Variants in SLC35F3 observed in about 807,000 individuals in gnomAD.
SLC35F3 encodes putative thiamine transporter SLC35F3.
In SLC35F3, 25 loss-of-function variants were observed where a neutral mutation model predicts 49.9. The ratio of observed to expected loss-of-function variants is 0.50; its 90% CI spans 0.37 to 0.70. SLC35F3 has a LOEUF of 0.70. SLC35F3 is among the 30% of genes least tolerant of loss of function. SLC35F3 has a pLI of 0.00. For missense variants in SLC35F3, 525 were observed against 639.8 expected (o/e 0.82, Z 1.94); for synonymous variants, 275 against 265.4 (o/e 1.04, Z -0.35).
chr1:233,908,849 T>A (rs1239673018), intron 2 of SLC35F3, among the ~76,000 whole-genome samples: 1 of 149,534 alleles, frequency 6.7e-6, no homozygotes, highest in Non-Finnish European at 1.5e-5. Context: ...TTTGCCCAGC[T>A]TCCCCAAATA....
At chr1:234,034,208 A>G (rs991938767) in intron 2 of SLC35F3, among the ~76,000 whole-genome samples, 2 of 152,198 alleles carry the variant, frequency 1.3e-5, no homozygotes, top group Admixed American at 1.3e-4. Context: ...TTGACTTTGT[A>G]TTCTGAAACT....
chr1:233,948,190 GGAGA>G (rs1319914110), intron 2 of SLC35F3, among the ~76,000 whole-genome samples: 4 of 94,990 alleles, frequency 4.2e-5, no homozygotes, highest in Non-Finnish European at 1.1e-4. Context: ...AAGAGGGAGG[GGAGA>G]GAGAGAGAGG....
At chr1:234,024,457 C>T (rs1179874693) in intron 2 of SLC35F3, among the ~76,000 whole-genome samples, 1 of 152,116 alleles carries the variant, frequency 6.6e-6, no homozygotes, top group Non-Finnish European at 1.5e-5. Context: ...TTTTCTATTC[C>T]CTGAAACTGG....
intron 2 of SLC35F3, among the ~76,000 whole-genome samples, chr1:234,097,038 C>T (rs1313553626): frequency 2.0e-5 from 3 of 151,958 alleles, no homozygotes; most frequent in Non-Finnish European, 2.9e-5. Context: ...TATGAGCATG[C>T]GCCACCAGGC....
chr1:233,976,880 G>GA (rs1663094586), intron 2 of SLC35F3, among the ~76,000 whole-genome samples: 1 of 152,120 alleles, frequency 6.6e-6, no homozygotes, highest in Non-Finnish European at 1.5e-5. Flanking sequence ...CCAAGTGCTG[G>GA]AATTACAGGC....
chr1:233,943,856 A>C (rs1314562244), intron 2 of SLC35F3, among the ~76,000 whole-genome samples: 1 of 152,256 alleles, frequency 6.6e-6, no homozygotes, highest in African/African-American at 2.4e-5. Flanking sequence ...GGAAATAATC[A>C]GCTTTAATTT....
intron 2 of SLC35F3, among the ~76,000 whole-genome samples, chr1:234,143,281 TTCTTTTC>T (rs1285910521): frequency 5.6e-4 from 70 of 124,068 alleles, no homozygotes; most frequent in African/African-American, 2.4e-3. Context: ...CTCTTTTCTT[TTCTTTTC>T]TTTTTTTTTT....
At chr1:234,250,468 A>C (rs1048588399) in intron 3 of SLC35F3, among the ~76,000 whole-genome samples, 2 of 151,760 alleles carry the variant, frequency 1.3e-5, no homozygotes, top group Admixed American at 1.3e-4. Flanking sequence ...TCCCGGCTAA[A>C]ACGGTGAAAC....
At chr1:234,038,587 A>G (rs1664178202) in intron 2 of SLC35F3, among the ~76,000 whole-genome samples, 1 of 152,192 alleles carries the variant, frequency 6.6e-6, no homozygotes. Context: ...CCAACAGTGT[A>G]AAAAACAGAC....
chr1:233,935,189 C>CTTTTTTTTTTTTTTTTTTTTTTTTTTT (rs35418747), intron 2 of SLC35F3, among the ~76,000 whole-genome samples: 2 of 50,302 alleles, frequency 4.0e-5, no homozygotes, highest in Admixed American at 3.7e-4. Context: ...TTTCCTTGCC[C>CTTTTTTTTTTTTTTTTTTTTTTTTTTT]TTTTTTTTTT....
intron 3 of SLC35F3, among the ~76,000 whole-genome samples, chr1:234,275,762 AAATATAT>A (rs751428168): frequency 0.037 from 5,226 of 139,788 alleles, 106 homozygotes; most frequent in African/African-American, 0.058. Flanking sequence ...GAAAAAAAAA[AAATATAT>A]ATATATATAT....
rs1262944774 is a variant in SLC35F3 at position 233,952,750 on chromosome 1, TTC to T, written c.283+46999_283+47000del. ...CTGTTTGTAACCCTTGGCATCTGGTTTCTCTCTCCTCTCCCTCACATGTGCAC... is the reference window on the plus strand; with the variant it reads ...CTGTTTGTAACCCTTGGCATCTGGTTTCTCTCCTCTCCCTCACATGTGCAC... On this transcript the variant is annotated intron_variant, in intron 2 of 7. Transcript: ENST00000366618. Among the ~76,000 whole-genome samples, 4 of 152,266 alleles carry T rather than the reference TTC, an allele frequency of 2.6e-5. No individual in the cohort carries two copies. The East Asian group carries it at 7.7e-4, about 29-fold the overall frequency.
chr1:233,965,628 C>A (rs1478339343), intron 2 of SLC35F3, among the ~76,000 whole-genome samples: 2 of 152,154 alleles, frequency 1.3e-5, no homozygotes, highest in East Asian at 3.9e-4. Context: ...GGGCCTCATT[C>A]TCACAACCTC....
intron 2 of SLC35F3, among the ~76,000 whole-genome samples, chr1:233,954,846 A>T (rs913319107): frequency 1.3e-5 from 2 of 151,782 alleles, no homozygotes; most frequent in African/African-American, 4.8e-5. Flanking sequence ...CCAGTCTTCA[A>T]TTTTTTTTCT....
At chr1:234,107,193 G>A (rs1483180435) in intron 2 of SLC35F3, among the ~76,000 whole-genome samples, 3 of 152,088 alleles carry the variant, frequency 2.0e-5, no homozygotes, top group Non-Finnish European at 4.4e-5. Flanking sequence ...CCAAATTCCT[G>A]GGACCAAGAG....
chr1:234,037,566 A>G (rs745515718), intron 2 of SLC35F3, among the ~76,000 whole-genome samples: 2 of 152,248 alleles, frequency 1.3e-5, no homozygotes, highest in Non-Finnish European at 1.5e-5. Flanking sequence ...TTGCATTTAT[A>G]TAGATTACAT....
intron 4 of SLC35F3, among the ~76,000 whole-genome samples, chr1:234,312,522 G>A (rs758793295): frequency 8.5e-5 from 13 of 152,162 alleles, no homozygotes; most frequent in Non-Finnish European, 1.6e-4. Flanking sequence ...TGTGTGGGGG[G>A]CTGCCCTCTG....
At position 234,239,274 on chromosome 1, in the gene SLC35F3, A is replaced by G. The variant is rs145383440; in HGVS notation, c.608+7533A>G. Among the ~76,000 whole-genome samples, 65 of 152,306 alleles carry G rather than the reference A, an allele frequency of 4.3e-4. 1 individual carries two copies. The highest frequency in any genetic ancestry group is 1.5e-3 in the African/African-American group (61 of 41,564). ...TTAATCTTTGTGCGGGTCAGATGAG[A>G]AGGAGGGCCCATGTAGGCGGCATAC... On this transcript the variant is annotated intron_variant, in intron 3 of 7. Transcript: ENST00000366618.
intron 2 of SLC35F3, among the ~76,000 whole-genome samples, chr1:233,994,238 G>T (rs1026323720): frequency 6.6e-6 from 1 of 152,172 alleles, no homozygotes; most frequent in African/African-American, 2.4e-5. Context: ...GGACTAGGTA[G>T]GATCTGAGTA....
Sources: gnomAD v4.1 joint callset for allele counts (sites outside exome capture counted in the v4.1 genomes callset) on GRCh38, gnomAD v4.1.1 for gene constraint, MANE v1.5 for transcripts, NCBI Gene and HGNC (gene_info 2026-07-23, HGNC 2026-07-21) for gene names.